DSCAM: variants seen among roughly 807,000 people sequenced by gnomAD.
The protein encoded by DSCAM is cell adhesion molecule DSCAM.
A neutral mutation model predicts 217.7 loss-of-function variants in DSCAM; 47 were observed. That is an observed-to-expected ratio of 0.22 (90% CI 0.17 to 0.28). DSCAM has a LOEUF of 0.28. DSCAM is among the 10% of genes least tolerant of loss of function. DSCAM has a pLI of 1.00. For synonymous variants in DSCAM, 1,056 were observed against 1,015.3 expected (o/e 1.04, Z -0.76); for missense variants, 2,080 against 2,618.3 (o/e 0.79, Z 4.49).
chr21:40,450,919 A>C (rs2075713843), intron 3 of DSCAM, among the ~76,000 whole-genome samples: 1 of 152,196 alleles, frequency 6.6e-6, no homozygotes. Context: ...AAACGTGTGA[A>C]TCTCTGCAGG....
intron 3 of DSCAM, among the ~76,000 whole-genome samples, chr21:40,656,374 C>G (rs911594715): frequency 7.2e-5 from 11 of 152,070 alleles, no homozygotes; most frequent in Non-Finnish European, 1.6e-4. Context: ...GCAAACCACA[C>G]AGCCAAGCCC....
intron 27 of DSCAM, among the ~76,000 whole-genome samples, chr21:40,071,249 C>T (rs977480878): frequency 6.6e-5 from 10 of 151,928 alleles, no homozygotes; most frequent in South Asian, 2.1e-4. Flanking sequence ...AAGCAAAATG[C>T]GGCTCCTGAA....
Position 40,192,452 on chromosome 21 carries a change from C to T in DSCAM, c.2357-3214G>A, listed in dbSNP as rs1250299218. Among the ~76,000 whole-genome samples the T allele has an allele frequency of 2.0e-5, 3 of 152,196 alleles. No homozygotes were observed. In the East Asian group the frequency reaches 5.8e-4, roughly 29 times the overall value. ...GCTTTCCGCCCTTTACTCTGCACTT[C>T]CCCTTCCTGCCGCCATGTGAAGAAG... On this transcript the variant is annotated intron_variant, in intron 11 of 32. Coordinates refer to ENST00000400454, the MANE Select transcript of DSCAM (RefSeq NM_001389.5).
chr21:40,609,755 T>A (rs1352546288), intron 3 of DSCAM, among the ~76,000 whole-genome samples: 1 of 152,184 alleles, frequency 6.6e-6, no homozygotes, highest in Non-Finnish European at 1.5e-5. Flanking sequence ...GTGGATAAAA[T>A]AGAAACCCTT....
intron 27 of DSCAM, among the ~76,000 whole-genome samples, chr21:40,066,084 C>T (rs1458964694): frequency 6.6e-6 from 1 of 152,222 alleles, no homozygotes; most frequent in Non-Finnish European, 1.5e-5. Context: ...CCTCCCATGC[C>T]CAGTAGGCAG....
intron 2 of DSCAM, 42 bp from the exon 3 acceptor site, chr21:40,692,998 CAGGCTCATTCTGAG>C (rs755375942): frequency 3.8e-6 from 6 of 1,580,954 alleles, no homozygotes; most frequent in Non-Finnish European, 5.2e-6. Context: ...ACACGGTCAA[CAGGCTCATTCTGAG>C]AGTATCTCAC....
intron 26 of DSCAM, among the ~76,000 whole-genome samples, chr21:40,076,217 G>GT (rs1476755623): frequency 6.6e-6 from 1 of 152,122 alleles, no homozygotes; most frequent in African/African-American, 2.4e-5. Flanking sequence ...ACTTTAAAGT[G>GT]TTTTTGTGGA....
At chr21:40,616,971 C>T (rs1303548198) in intron 3 of DSCAM, among the ~76,000 whole-genome samples, 5 of 142,836 alleles carry the variant, frequency 3.5e-5, no homozygotes, top group Admixed American at 1.4e-4. Flanking sequence ...GAGCCGAGAT[C>T]CCGCCACTGC....
chr21:40,638,584 G>A (rs1004989852), intron 3 of DSCAM, among the ~76,000 whole-genome samples: 16 of 152,140 alleles, frequency 1.1e-4, no homozygotes, highest in African/African-American at 3.6e-4. Context: ...AATTCAGATC[G>A]TTTCCTCTGC....
chr21:40,479,820 GT>G (rs202187565), intron 3 of DSCAM, among the ~76,000 whole-genome samples: 1,861 of 152,242 alleles, frequency 0.012, 25 homozygotes, highest in South Asian at 0.058. Flanking sequence ...TCTGTCAGCA[GT>G]AAAAATGAAT....
At chr21:40,039,718 C>CTAT (rs1207193759) in intron 32 of DSCAM, among the ~76,000 whole-genome samples, 2 of 152,044 alleles carry the variant, frequency 1.3e-5, no homozygotes, top group African/African-American at 4.8e-5. Flanking sequence ...GACATATTTC[C>CTAT]TATTTTTCTG....
At chr21:40,242,277 T>C (rs1447939262) in intron 11 of DSCAM, among the ~76,000 whole-genome samples, 1 of 152,162 alleles carries the variant, frequency 6.6e-6, no homozygotes, top group East Asian at 1.9e-4. Context: ...TCTGTGGTGA[T>C]CGTGAGTGCT....
rs1056331108 is a variant in DSCAM, at chr21:40,383,861, G to A, written c.509-14616C>T. The A allele has an allele frequency of 4.6e-5, 7 of 152,282 alleles. No individual in the cohort carries two copies. The South Asian group carries it at 1.0e-3, about 23-fold the overall frequency. 9.4% of individuals were successfully genotyped at this position (152,282 alleles called of 1,614,324 possible). A position where few individuals can be genotyped will look rare whatever the true frequency, so the allele number is the denominator to read the frequency against. On this transcript the variant is annotated intron_variant, in intron 3 of 32. Transcript: ENST00000400454. ...TTCAAAGGACAAAAACACTAGCACA[G>A]ATGGCATTCAATGATTGCAGATATC...
intron 10 of DSCAM, among the ~76,000 whole-genome samples, chr21:40,287,176 A>C (rs977897151): frequency 6.6e-6 from 1 of 152,036 alleles, no homozygotes; most frequent in Non-Finnish European, 1.5e-5. Context: ...TGTGATCTGC[A>C]GGGTCTTCTG....
At chr21:40,435,050 C>A (rs1199620088) in intron 3 of DSCAM, among the ~76,000 whole-genome samples, 2 of 152,174 alleles carry the variant, frequency 1.3e-5, no homozygotes, top group African/African-American at 4.8e-5. Flanking sequence ...ATAATGGAAT[C>A]GATCAGTGAT....
intron 1 of DSCAM, among the ~76,000 whole-genome samples, chr21:40,779,032 GAAAAAAAAAAAAAAAAAAA>G (rs772208075): frequency 2.2e-5 from 1 of 45,536 alleles, no homozygotes; most frequent in Non-Finnish European, 3.9e-5. Context: ...CTCAAAAACA[GAAAAAAAAAAAAAAAAAAA>G]AAAAAAAAGA....
intron 1 of DSCAM, among the ~76,000 whole-genome samples, chr21:40,760,416 G>A (rs1283798692): frequency 6.6e-6 from 1 of 152,142 alleles, no homozygotes; most frequent in Non-Finnish European, 1.5e-5. Context: ...GGCTGAGAGG[G>A]TGACGTTAGC....
At chr21:40,428,234 TTGTGTGTGTGTGTGTGTGTGTGTGTG>T (rs71186936) in intron 3 of DSCAM, among the ~76,000 whole-genome samples, 13 of 129,256 alleles carry the variant, frequency 1.0e-4, no homozygotes, top group South Asian at 3.0e-4. Flanking sequence ...GGCAAATACT[TTGTGTGTGTGTGTGTGTGTGTGTGTG>T]TGTGTGTGTG....
At chr21:40,101,886 A>C (rs1343628887) in intron 20 of DSCAM, among the ~76,000 whole-genome samples, 13 of 152,230 alleles carry the variant, frequency 8.5e-5, no homozygotes, top group Non-Finnish European at 1.8e-4. Context: ...CAGACATAGA[A>C]GCTTGTTGGA....
Sources: gnomAD v4.1 joint callset for allele counts (sites outside exome capture counted in the v4.1 genomes callset) on GRCh38, gnomAD v4.1.1 for gene constraint, MANE v1.5 for transcripts, NCBI Gene and HGNC (gene_info 2026-07-23, HGNC 2026-07-21) for gene names.